The following ITGA9 variants were observed in gnomAD, a reference collection of about 807,000 sequenced individuals.
ITGA9 encodes the protein integrin alpha-9.
A neutral mutation model predicts 127.8 loss-of-function variants in ITGA9; 56 were observed. The ratio of observed to expected loss-of-function variants is 0.44; its 90% CI spans 0.35 to 0.55. The LOEUF (loss-of-function observed/expected upper bound fraction) is 0.55. Ranked by LOEUF, ITGA9 falls within the 20% of genes least tolerant of loss-of-function variation. ITGA9 has a pLI of 0.00. For missense variants in ITGA9, 1,196 were observed against 1,347.1 expected, an observed-to-expected ratio of 0.89 and a Z score of 1.76; for synonymous variants, 508 against 514.5, an observed-to-expected ratio of 0.99 and a Z score of 0.17.
At chr3:37,486,856 G>C (rs1330597090) in intron 4 of ITGA9, among the ~76,000 whole-genome samples, 1 of 152,172 alleles carries the variant, frequency 6.6e-6, no homozygotes, top group Non-Finnish European at 1.5e-5. Context: ...AACTTCCTAT[G>C]GATTCCAAAG....
intron 20 of ITGA9, among the ~76,000 whole-genome samples, chr3:37,739,880 C>T (rs983742828): frequency 1.3e-5 from 2 of 152,266 alleles, no homozygotes; most frequent in African/African-American, 2.4e-5. Context: ...TTTGGCCTGC[C>T]CACAGCAGTG....
chr3:37,621,566 C>A (rs1700129086), intron 15 of ITGA9, among the ~76,000 whole-genome samples: 1 of 152,192 alleles, frequency 6.6e-6, no homozygotes, highest in African/African-American at 2.4e-5. Flanking sequence ...CACCCCAGCC[C>A]CCGACACACA....
chr3:37,741,650 C>T, intron 20 of ITGA9, 80 bp from the exon 21 acceptor site: 1 of 1,108,754 alleles, frequency 9.0e-7, no homozygotes, highest in Non-Finnish European at 1.4e-6. Flanking sequence ...AGAGATTCAA[C>T]TCTAAAGTGG....
chr3:37,656,327 A>G (rs1230493328), intron 17 of ITGA9, among the ~76,000 whole-genome samples: 2 of 152,162 alleles, frequency 1.3e-5, no homozygotes, highest in East Asian at 3.8e-4. Context: ...TTCCATGAGC[A>G]CAGACTGTTT....
At chr3:37,750,326 A>C in intron 22 of ITGA9, 136 bp from the exon 23 acceptor site, 1 of 678,522 alleles carries the variant, frequency 1.5e-6, no homozygotes, top group Admixed American at 2.2e-5. Context: ...CTTTACTTCA[A>C]GTTGTGACCT....
At chr3:37,768,355 A>G (rs1696802889) in intron 23 of ITGA9, among the ~76,000 whole-genome samples, 1 of 152,180 alleles carries the variant, frequency 6.6e-6, no homozygotes, top group African/African-American at 2.4e-5. Flanking sequence ...TTGTATGACT[A>G]CTATCTTTAT....
chr3:37,531,453 G>A (rs1177247119), intron 13 of ITGA9, among the ~76,000 whole-genome samples: 1 of 152,240 alleles, frequency 6.6e-6, no homozygotes, highest in Non-Finnish European at 1.5e-5. Flanking sequence ...AAAGGATACT[G>A]TTTTTCCAAC....
chr3:37,566,842 T>C (rs2125602692), intron 15 of ITGA9, among the ~76,000 whole-genome samples: 1 of 152,368 alleles, frequency 6.6e-6, no homozygotes, highest in East Asian at 1.9e-4. Flanking sequence ...GAACCATGTA[T>C]TCCCTGAATG....
chr3:37,783,686 A>T (rs138080653), intron 25 of ITGA9, among the ~76,000 whole-genome samples: 1 of 152,238 alleles, frequency 6.6e-6, no homozygotes, highest in Non-Finnish European at 1.5e-5. Flanking sequence ...ATCCTGATAC[A>T]TAAAACCCCA....
At chr3:37,473,884 A>G (rs1198794676) in intron 3 of ITGA9, among the ~76,000 whole-genome samples, 3 of 151,964 alleles carry the variant, frequency 2.0e-5, no homozygotes, top group South Asian at 2.1e-4. Context: ...TTTCCAGCCA[A>G]CTCCTCTCAC....
At chr3:37,698,638 G>T (rs1700913731) in intron 18 of ITGA9, among the ~76,000 whole-genome samples, 1 of 152,172 alleles carries the variant, frequency 6.6e-6, no homozygotes, top group African/African-American at 2.4e-5. Flanking sequence ...AGGATACTAA[G>T]AACATTTTTA....
chr3:37,516,845 T>TCCCCCAAGTTAGATGACTTTTC (rs1698988569), intron 9 of ITGA9, among the ~76,000 whole-genome samples: 1 of 152,078 alleles, frequency 6.6e-6, no homozygotes, highest in African/African-American at 2.4e-5. Flanking sequence ...TATGACTTTT[T>TCCCCCAAGTTAGATGACTTTTC]CCCCCAAGTT....
chr3:37,716,147 C>T (rs886632415), intron 18 of ITGA9, among the ~76,000 whole-genome samples: 2 of 152,204 alleles, frequency 1.3e-5, no homozygotes, highest in African/African-American at 4.8e-5. Context: ...CAAGCACTTC[C>T]ATCTCTCCAT....
chr3:37,610,506 T>C (rs1357031538), intron 15 of ITGA9, among the ~76,000 whole-genome samples: 1 of 152,218 alleles, frequency 6.6e-6, no homozygotes, highest in Non-Finnish European at 1.5e-5. Flanking sequence ...TCCTAACAGC[T>C]TAAACAATCT....
intron 15 of ITGA9, among the ~76,000 whole-genome samples, chr3:37,566,204 A>C (rs1244808821): frequency 6.6e-6 from 1 of 152,248 alleles, no homozygotes; most frequent in Non-Finnish European, 1.5e-5. Context: ...TAGATGCCTG[A>C]AACTGTGGGT....
rs1161993752 is a variant in ITGA9, at chr3:37,598,687, G to A, written c.1690-30500G>A. On this transcript the variant is annotated intron_variant, in intron 15 of 27. Coordinates refer to ENST00000264741, the MANE Select transcript of ITGA9 (RefSeq NM_002207.3). ...TCACAAGCAGAGGGCCTACCCTTAG[G>A]CCCCAAGTGTGTCAAGCCCCCTCTG... Among the ~76,000 whole-genome samples the A allele has an allele frequency of 4.6e-5, 7 of 152,260 alleles. No homozygotes were observed. The South Asian group carries it at 6.2e-4, about 14-fold the overall frequency.
At chr3:37,589,575 G>C (rs978469897) in intron 15 of ITGA9, among the ~76,000 whole-genome samples, 4 of 152,184 alleles carry the variant, frequency 2.6e-5, no homozygotes, top group African/African-American at 9.7e-5. Flanking sequence ...ATTTTAAATA[G>C]GGTGGTTAGG....
intron 1 of ITGA9, among the ~76,000 whole-genome samples, chr3:37,453,428 G>A (rs577673786): frequency 5.9e-5 from 9 of 152,314 alleles, no homozygotes; most frequent in South Asian, 2.1e-4. Flanking sequence ...GTGGTACAGA[G>A]CTTGTGCCCA....
intron 26 of ITGA9, among the ~76,000 whole-genome samples, chr3:37,789,768 CAAAAAAAAAAAAA>C (rs71635850): frequency 2.5e-4 from 9 of 35,686 alleles, no homozygotes; most frequent in African/African-American, 5.1e-4. Context: ...GACTCCGTCT[CAAAAAAAAAAAAA>C]AAAAAAAAAA....
Sources: gnomAD v4.1 joint callset for allele counts (sites outside exome capture counted in the v4.1 genomes callset) on GRCh38, gnomAD v4.1.1 for gene constraint, MANE v1.5 for transcripts, NCBI Gene and HGNC (gene_info 2026-07-23, HGNC 2026-07-21) for gene names.